SACS: variants seen among roughly 807,000 people sequenced by gnomAD.
SACS encodes sacsin.
In SACS, 197 loss-of-function variants were observed where a neutral mutation model predicts 348.0. The observed-to-expected ratio is 0.57, with a 90% CI of 0.50 to 0.64. The LOEUF (loss-of-function observed/expected upper bound fraction) is 0.64. SACS is among the 30% of genes least tolerant of loss of function. The probability of loss-of-function intolerance (pLI) is 0.00; values close to 1 mark genes in which losing one functional copy is unlikely to be tolerated. For synonymous variants in SACS, 1,985 were observed against 1,910.6 expected (o/e 1.04, Z -1.02); for missense variants, 4,999 against 5,360.8 (o/e 0.93, Z 2.11).
rs984124456 is a variant in SACS, at chr13:23,334,450, A to G, written c.9426T>C (p.Asp3142=). The change falls in exon 10 of 10, where the codon GAT becomes GAC. Residue 3142 remains aspartate, a synonymous_variant. Coordinates refer to ENST00000382292, the MANE Select transcript of SACS (RefSeq NM_014363.6). ...LKLLVDYCFK[D]AEENEIEVEG... ...CAACTTCAATCTCATTTTCTTCTGC[A>G]TCTTTAAAACAATAATCAACTAAAA... 5 of 1,612,504 alleles carry G rather than the reference A, an allele frequency of 3.1e-6. No individual in the cohort carries two copies. The highest frequency in any genetic ancestry group is 1.7e-5 in the Admixed American group (1 of 59,960).
At chr13:23,357,531 C>G (rs1870471307) in intron 7 of SACS, among the ~76,000 whole-genome samples, 1 of 152,184 alleles carries the variant, frequency 6.6e-6, no homozygotes, top group South Asian at 2.1e-4. Flanking sequence ...CACTCTCACA[C>G]GTGTCCCAGT....
At chr13:23,372,387 G>A (rs554929028) in intron 3 of SACS, among the ~76,000 whole-genome samples, 47 of 152,218 alleles carry the variant, frequency 3.1e-4, no homozygotes, top group Non-Finnish European at 5.7e-4. Context: ...AACACAGAAG[G>A]AGCAACGTGC....
In SACS at chr13:23,329,653, G is replaced by A; in HGVS notation, c.*483C>T. ...TAAAATTACAACAAATTCATGATCA[G>A]AGCCAGCTGATGAGAAAATAACGCA... On this transcript the variant is annotated 3_prime_UTR_variant, in exon 10 of 10. Coordinates refer to ENST00000382292, the MANE Select transcript of SACS (RefSeq NM_014363.6). 1 of 528,864 alleles carries A rather than the reference G, an allele frequency of 1.9e-6. No individual in the cohort carries two copies. 32.8% of individuals were successfully genotyped at this position (528,864 alleles called of 1,614,324 possible).
Position 23,337,378 on chromosome 13 carries a change from A to G in SACS, c.6498T>C (p.Arg2166=). ...TATTAATTTCAGCTACTGACACTGC[A>G]CGTTCTAGCATATCATCCCATAAAA... is the stretch of plus-strand genomic sequence containing the variant. ...DDILWDDMLE[R]AVSVAEINKS... Residue 2166 remains arginine, a synonymous_variant, in exon 10 of 10, where the codon CGT becomes CGC. Coordinates refer to ENST00000382292, the MANE Select transcript of SACS (RefSeq NM_014363.6). The G allele has an allele frequency of 6.2e-7, 1 of 1,613,902 alleles. No individual in the cohort carries two copies. Among genetic ancestry groups the G allele is most frequent in the Non-Finnish European group, 8.5e-7 (1 of 1,179,890 alleles).
In SACS at chr13:23,333,904, T is replaced by A. The variant is rs772412510; in HGVS notation, c.9972A>T (p.Leu3324=). Residue 3324 remains leucine, a synonymous_variant, in exon 10 of 10, where the codon CTA becomes CTT. Transcript: ENST00000382292. ...CAAGCTGAATACAGCCAGCTTTCATTAGAGCATGAAAAACTTTATCACTCT... is the reference window on the plus strand; with the variant it reads ...CAAGCTGAATACAGCCAGCTTTCATAAGAGCATGAAAAACTTTATCACTCT... ...NAQSDKVFHA[L]MKAGCIQLAL... The A allele has an allele frequency of 4.1e-5, 66 of 1,613,734 alleles. 1 individual carries two copies. The South Asian group carries it at 7.0e-4, about 17-fold the overall frequency.
At chr13:23,406,908 G>C (rs937792692) in intron 2 of SACS, among the ~76,000 whole-genome samples, 2 of 152,166 alleles carry the variant, frequency 1.3e-5, no homozygotes, top group Non-Finnish European at 2.9e-5. Context: ...ACCCTTGTAG[G>C]TTATCAGTTT....
intron 6 of SACS, among the ~76,000 whole-genome samples, chr13:23,363,686 G>A (rs1297276875): frequency 6.6e-6 from 1 of 152,188 alleles, no homozygotes; most frequent in East Asian, 1.9e-4. Context: ...TACCTTAGCA[G>A]TTCCACAGCA....
At position 23,331,139 on chromosome 13, in the gene SACS, GA is replaced by G; in HGVS notation, c.12736del (p.Ser4246GlnfsTer28). ...IVSSLDLYKF[S>X]RPEESSQSRD... ...GCTTTGAGAGCTTTCCTCAGGTCTT[GA>G]AAACTTATACAGATCAAGAGAGCTA... On this transcript the variant is annotated frameshift_variant, in exon 10 of 10. Coordinates refer to ENST00000382292, the MANE Select transcript of SACS (RefSeq NM_014363.6). LOFTEE classifies it high-confidence loss of function. 1 of 1,614,132 alleles carries G rather than the reference GA, an allele frequency of 6.2e-7. No individual in the cohort carries two copies. Among genetic ancestry groups the G allele is most frequent in the Non-Finnish European group, 8.5e-7 (1 of 1,179,990 alleles).
rs760628805 is a variant in SACS, at chr13:23,338,812, C to T, written c.5064G>A (p.Gln1688=). Residue 1688 remains glutamine (Q), a synonymous_variant, in exon 10 of 10, where the codon CAG becomes CAA. Coordinates refer to ENST00000382292, the MANE Select transcript of SACS (RefSeq NM_014363.6). The stretch of plus-strand genomic sequence containing the variant: ...ACTTCAAATACATTGACTTTACACT[C>T]TGAGTGAAAATGATAAGCCTGTGTC... ...LCGHRLIIFT[Q]SVKSMYLKYL... is the part of the protein sequence containing the mutation. 12 of 1,612,836 alleles carry T rather than the reference C, an allele frequency of 7.4e-6. No individual in the cohort carries two copies. In the East Asian group the frequency reaches 2.7e-4, roughly 36 times the overall value.
intron 5 of SACS, 25 bp from the exon 6 acceptor site, chr13:23,365,302 T>C: frequency 7.9e-7 from 1 of 1,272,768 alleles, no homozygotes; most frequent in Non-Finnish European, 1.1e-6. Context: ...TACCAAAAAA[T>C]AGTAATTAAT....
chr13:23,344,006 T>C (rs1869443804), intron 9 of SACS, among the ~76,000 whole-genome samples: 1 of 152,230 alleles, frequency 6.6e-6, no homozygotes, highest in African/African-American at 2.4e-5. Context: ...CAAGCAGCAA[T>C]ATTTAAGAAA....
chr13:23,362,581 CTTTTTTT>C (rs34351648), intron 6 of SACS, among the ~76,000 whole-genome samples: 2 of 111,854 alleles, frequency 1.8e-5, no homozygotes, highest in Non-Finnish European at 1.9e-5. Context: ...TAATACATTC[CTTTTTTT>C]TTTTTTTTTT....
Position 23,340,927 on chromosome 13 carries a change from T to C in SACS, c.2949A>G (p.Ile983Met). 1 of 1,614,060 alleles carries C rather than the reference T, an allele frequency of 6.2e-7. No homozygotes were observed. The highest frequency in any genetic ancestry group is 8.5e-7 in the Non-Finnish European group (1 of 1,179,896). ...ATIRLANMLK[I>M]EQLKTTSCLK... ...AGCAGCTAGTGGTCTTTAACTGTTC[T>C]ATTTTCAACATGTTTGCCAGACGAA... Residue 983 changes from isoleucine (I) to methionine (M), a missense_variant, in exon 10 of 10, where the codon ATA becomes ATG. Ile to Met is a conservative substitution (Grantham distance 10). This residue lies in a region of SACS where 3,156 missense variants were observed against 3,380.1 expected (regional missense o/e 0.93). Coordinates refer to ENST00000382292, the MANE Select transcript of SACS (RefSeq NM_014363.6).
chr13:23,353,945 C>T (rs535450769), intron 8 of SACS, 69 bp from the exon 9 acceptor site: 34 of 954,440 alleles, frequency 3.6e-5, no homozygotes, highest in Non-Finnish European at 5.7e-5. Flanking sequence ...AAAACAATCA[C>T]ATATTTTCAA....
rs761351518 is a variant in SACS, at chr13:23,338,116, A to C, written c.5760T>G (p.Ala1920=). The C allele has an allele frequency of 6.2e-7, 1 of 1,614,148 alleles. No individual in the cohort carries two copies. Among genetic ancestry groups the C allele is most frequent in the East Asian group, 2.2e-5 (1 of 44,882 alleles). Residue 1920 remains alanine, a synonymous_variant, in exon 10 of 10, where the codon GCT becomes GCG. Coordinates refer to ENST00000382292, the MANE Select transcript of SACS (RefSeq NM_014363.6). ...TTFMRHVIVK[A]YLQVLSVLRD... is the part of the protein sequence containing the mutation. Reference sequence around the variant, plus strand: ...GTAAGACACTCAGTACCTGTAAGTAAGCTTTCACAATAACATGTCTCATGA... The same window carrying C: ...GTAAGACACTCAGTACCTGTAAGTACGCTTTCACAATAACATGTCTCATGA...
intron 6 of SACS, among the ~76,000 whole-genome samples, chr13:23,359,839 C>A (rs1350112155): frequency 1.3e-5 from 2 of 152,126 alleles, no homozygotes; most frequent in East Asian, 1.9e-4. Flanking sequence ...ACTCCCAGCA[C>A]CCCCAGAAGC....
In SACS at chr13:23,330,315, T is replaced by C. The variant is rs1465291236; in HGVS notation, c.13561A>G (p.Asn4521Asp). The change falls in exon 10 of 10, where the codon AAT becomes GAT. Residue 4521 changes from asparagine (N) to aspartate (D), a missense_variant. Around this residue, in one of 6 missense-constraint regions of SACS, gnomAD observed 254 missense variants for 275.1 expected, o/e 0.92. Coordinates refer to ENST00000382292, the MANE Select transcript of SACS (RefSeq NM_014363.6). ...TAAGCTTCCAATGTGTGAACATCAT[T>C]TGTCAGTCCTTCAAGTTGCTGACTA... ...EYSQQLEGLT[N>D]DVHTLEAYGV... 6.2e-7 allele frequency: 1 copy of C among 1,614,220 alleles called. No homozygotes were observed.
intron 2 of SACS, chr13:23,375,688 G>T: frequency 2.0e-6 from 1 of 510,544 alleles, no homozygotes; most frequent in Non-Finnish European, 2.5e-6. Context: ...GCCCATCCAG[G>T]CCCCGCCCAG....
intron 2 of SACS, among the ~76,000 whole-genome samples, chr13:23,388,004 TA>T: frequency 6.6e-6 from 1 of 152,164 alleles, no homozygotes; most frequent in South Asian, 2.1e-4. Flanking sequence ...GATGGGAATG[TA>T]AATTAGTACA....
Sources: gnomAD v4.1 joint callset for allele counts (sites outside exome capture counted in the v4.1 genomes callset) on GRCh38, gnomAD v4.1.1 for gene constraint, gnomAD v4.1.1 regional missense constraint, MANE v1.5 for transcripts, NCBI Gene and HGNC (gene_info 2026-07-23, HGNC 2026-07-21) for gene names.